The following KIF13A variants were observed in gnomAD, a reference collection of about 807,000 sequenced individuals.
KIF13A encodes the protein kinesin family member 13A, also known as kinesin-like protein KIF13A.
A neutral mutation model predicts 212.2 loss-of-function variants in KIF13A; 79 were observed. The observed-to-expected ratio is 0.37, with a 90% CI of 0.31 to 0.45. The LOEUF (loss-of-function observed/expected upper bound fraction) is 0.45, where lower values mean the gene tolerates loss of function less well. KIF13A is among the 20% of genes least tolerant of loss of function. The probability of loss-of-function intolerance (pLI) is 1.00; values close to 1 mark genes in which losing one functional copy is unlikely to be tolerated. For missense variants in KIF13A, 1,901 were observed against 2,209.0 expected (o/e 0.86, Z 2.79); for synonymous variants, 789 against 808.6 (o/e 0.98, Z 0.41).
intron 2 of KIF13A, among the ~76,000 whole-genome samples, chr6:17,920,792 G>A (rs1489955690): frequency 6.6e-6 from 1 of 151,192 alleles, no homozygotes; most frequent in African/African-American, 2.4e-5. Flanking sequence ...GAGAATCTCT[G>A]GAACCAGGGA....
chr6:17,765,163 A>C (rs1417206651), intron 38 of KIF13A, among the ~76,000 whole-genome samples: 2 of 152,238 alleles, frequency 1.3e-5, no homozygotes, highest in African/African-American at 4.8e-5. Flanking sequence ...TTATCATCTA[A>C]TATGAAGGGG....
Position 17,786,471 on chromosome 6 carries a change from C to T in KIF13A, c.3362-830G>A, listed in dbSNP as rs1581918225. Among the ~76,000 whole-genome samples the T allele has an allele frequency of 1.3e-5, 2 of 151,916 alleles. No individual in the cohort carries two copies. The highest frequency in any genetic ancestry group is 2.4e-5 in the African/African-American group (1 of 41,424). ...AAAATTAGCCAGGCGTGGTGGTGGG[C>T]GCCTTGTAGTCCCAGCTACTCAGGA... On this transcript the variant is annotated intron_variant, in intron 27 of 38. Coordinates refer to ENST00000259711, the MANE Select transcript of KIF13A (RefSeq NM_022113.6). This position sits in a 1 kb window ranked among gnomAD's most constrained non-coding sequence, Gnocchi z 5.4.
intron 6 of KIF13A, 53 bp from the exon 7 acceptor site, chr6:17,852,095 T>C: frequency 1.0e-6 from 1 of 953,354 alleles, no homozygotes; most frequent in Non-Finnish European, 1.5e-6. Context: ...CTGGAAGCTT[T>C]TCTTTCTCTT....
chr6:17,898,065 T>C lies in KIF13A; in HGVS notation c.159+103A>G. 9.5e-7 allele frequency: 1 copy of C among 1,052,908 alleles called. No individual in the cohort carries two copies. Among genetic ancestry groups the C allele is most frequent in the Non-Finnish European group, 1.4e-6 (1 of 711,080 alleles). 65.2% of individuals were successfully genotyped at this position (1,052,908 alleles called of 1,614,324 possible). On this transcript the variant is annotated intron_variant, in intron 3 of 38. Transcript: ENST00000259711. This position sits in a 1 kb window ranked among gnomAD's most constrained non-coding sequence, Gnocchi z 5.2. ...TGAGTTTTAAATTAGGATGCTGTTTTCAGTTCTCAATGAGACAGATGTTCT... is the reference window on the plus strand; with the variant it reads ...TGAGTTTTAAATTAGGATGCTGTTTCCAGTTCTCAATGAGACAGATGTTCT...
intron 18 of KIF13A, among the ~76,000 whole-genome samples, chr6:17,806,490 T>C (rs1762960002): frequency 6.6e-6 from 1 of 152,206 alleles, no homozygotes; most frequent in African/African-American, 2.4e-5. Context: ...CCTGACTCAT[T>C]TTCTAGCTTG....
At chr6:17,824,966 T>A (rs1312938354) in intron 16 of KIF13A, among the ~76,000 whole-genome samples, 1 of 152,088 alleles carries the variant, frequency 6.6e-6, no homozygotes, top group East Asian at 1.9e-4. Context: ...CTAAACAGCC[T>A]CAGTTTTATC....
At chr6:17,941,987 A>G (rs751006135) in intron 2 of KIF13A, among the ~76,000 whole-genome samples, 12 of 152,180 alleles carry the variant, frequency 7.9e-5, no homozygotes, top group Admixed American at 2.6e-4. Context: ...TGAATACCCA[A>G]TGCAAAATAT....
intron 2 of KIF13A, among the ~76,000 whole-genome samples, chr6:17,952,769 A>C (rs1006138745): frequency 6.6e-6 from 1 of 151,090 alleles, no homozygotes; most frequent in Non-Finnish European, 1.5e-5. Context: ...TCTCTACTAA[A>C]AATACAAAAA....
chr6:17,792,337 C>G (rs1301655313), intron 25 of KIF13A, among the ~76,000 whole-genome samples: 1 of 151,968 alleles, frequency 6.6e-6, no homozygotes, highest in African/African-American at 2.4e-5. Context: ...TTATTGAACA[C>G]CAGAGATTTA....
rs1169472815 is a variant in KIF13A, at chr6:17,816,128, A to G, written c.2000+892T>C. Among the ~76,000 whole-genome samples the G allele has an allele frequency of 6.6e-6, 1 of 151,766 alleles. No individual in the cohort carries two copies. Reference sequence around the variant, plus strand: ...GAGACAGGGTTTCACCATGTTGGCCAGGCTGGTCTGGAACTCCTGACCTCA... The same window carrying G: ...GAGACAGGGTTTCACCATGTTGGCCGGGCTGGTCTGGAACTCCTGACCTCA... On this transcript the variant is annotated intron_variant, in intron 17 of 38. Transcript: ENST00000259711. The surrounding 1 kb of genome is among the most constrained non-coding windows in gnomAD (Gnocchi z 4.3).
At chr6:17,760,604 T>A (rs1758541673), downstream of KIF13A, 1 of 576,274 alleles carries the variant, frequency 1.7e-6, no homozygotes, top group Admixed American at 3.1e-5. Flanking sequence ...ACTTAGTTAA[T>A]CCAGGATTTT....
At chr6:17,869,369 A>C (rs73371175) in intron 4 of KIF13A, among the ~76,000 whole-genome samples, 1,647 of 152,306 alleles carry the variant, frequency 0.011, 21 homozygotes, top group African/African-American at 0.038. Context: ...GATAAACATT[A>C]AGGCAGTGCT....
intron 3 of KIF13A, among the ~76,000 whole-genome samples, chr6:17,875,826 G>A (rs1245727990): frequency 6.6e-6 from 1 of 152,040 alleles, no homozygotes; most frequent in Non-Finnish European, 1.5e-5. Context: ...GTAGAGCAAT[G>A]TTCCCCAAAG....
chr6:17,876,993 G>A (rs12203190), intron 3 of KIF13A, among the ~76,000 whole-genome samples: 28,680 of 151,908 alleles, frequency 0.19, 2,905 homozygotes, highest in South Asian at 0.32. Context: ...GATCCATATC[G>A]AATTCATCTT....
intron 2 of KIF13A, among the ~76,000 whole-genome samples, chr6:17,949,751 A>G (rs1214476351): frequency 1.3e-5 from 2 of 152,088 alleles, no homozygotes; most frequent in Non-Finnish European, 2.9e-5. Context: ...AATGTCCTGC[A>G]CTACACAGTC....
At chr6:17,793,484 T>C (rs924996596) in intron 25 of KIF13A, among the ~76,000 whole-genome samples, 1 of 152,190 alleles carries the variant, frequency 6.6e-6, no homozygotes, top group Non-Finnish European at 1.5e-5. Context: ...ATCTTTTTAT[T>C]TTTAAAATGA....
chr6:17,852,957 T>G (rs1470321076), intron 6 of KIF13A, among the ~76,000 whole-genome samples: 1 of 152,220 alleles, frequency 6.6e-6, no homozygotes, highest in East Asian at 1.9e-4. Flanking sequence ...TTTCAACAGT[T>G]TATCAAAAGA....
chr6:17,953,504 C>T (rs1778059200), intron 2 of KIF13A: 1 of 152,232 alleles, frequency 6.6e-6, no homozygotes, highest in African/African-American at 2.4e-5. Context: ...TTCTCTGCCT[C>T]CACCAAGTTC....
rs1431376579 is a variant in KIF13A, at chr6:17,951,958, C to G, written c.146+35096G>C. ...TACAATTTTTGTAGAAGCAATTTGG[C>G]AATTTATATTTACAATTTAAATGCT... On this transcript the variant is annotated intron_variant, in intron 2 of 38. Transcript: ENST00000259711. The surrounding 1 kb of genome is among the most constrained non-coding windows in gnomAD (Gnocchi z 4.9). 6.6e-6 allele frequency among the ~76,000 whole-genome samples: 1 copy of G among 152,138 alleles called. No individual in the cohort carries two copies. The highest frequency in any genetic ancestry group is 2.4e-5 in the African/African-American group (1 of 41,420).
Sources: allele counts gnomAD v4.1 joint callset (sites outside exome capture counted in the v4.1 genomes callset), GRCh38; gene constraint gnomAD v4.1.1; non-coding constraint Gnocchi (gnomAD v3.1); transcripts MANE v1.5; gene names NCBI Gene and HGNC (gene_info 2026-07-23, HGNC 2026-07-21).